The following KIF26B variants were observed in gnomAD, a reference collection of about 807,000 sequenced individuals.
KIF26B encodes kinesin family member 26B, also known as kinesin-like protein KIF26B.
A neutral mutation model predicts 151.2 loss-of-function variants in KIF26B; 63 were observed. The observed-to-expected ratio is 0.42, with a 90% CI of 0.34 to 0.51. The LOEUF (loss-of-function observed/expected upper bound fraction) is 0.51. Ranked by LOEUF, KIF26B falls within the 20% of genes least tolerant of loss-of-function variation. KIF26B has a pLI of 0.07. For missense variants in KIF26B, 2,813 were observed against 2,913.6 expected (o/e 0.97, Z 0.79); for synonymous variants, 1,357 against 1,262.1 (o/e 1.08, Z -1.59).
At chr1:245,509,571 T>C (rs183104705) in intron 4 of KIF26B, among the ~76,000 whole-genome samples, 1 of 152,316 alleles carries the variant, frequency 6.6e-6, no homozygotes, top group Non-Finnish European at 1.5e-5. Context: ...TTTTCATCCA[T>C]TCACTTGCTC....
At chr1:245,389,174 C>T (rs1673625992) in intron 3 of KIF26B, among the ~76,000 whole-genome samples, 1 of 152,122 alleles carries the variant, frequency 6.6e-6, no homozygotes, top group Non-Finnish European at 1.5e-5. Flanking sequence ...AGTGCGATGG[C>T]ATGGCCTCGG....
intron 10 of KIF26B, among the ~76,000 whole-genome samples, chr1:245,668,693 T>G (rs937700709): frequency 1.4e-5 from 2 of 147,102 alleles, no homozygotes; most frequent in Non-Finnish European, 2.9e-5. Context: ...TTTCTTTTCT[T>G]TTCTTTTCTT....
At chr1:245,479,902 C>A (rs1660129948) in intron 4 of KIF26B, among the ~76,000 whole-genome samples, 1 of 151,726 alleles carries the variant, frequency 6.6e-6, no homozygotes, top group Admixed American at 6.6e-5. Context: ...CTATATAGAA[C>A]TAGGATTCGT....
chr1:245,672,614 C>T (rs2044301884), intron 10 of KIF26B, among the ~76,000 whole-genome samples: 1 of 152,126 alleles, frequency 6.6e-6, no homozygotes, highest in Non-Finnish European at 1.5e-5. Context: ...AGAACACAGT[C>T]AAGTGAATAC....
At chr1:245,695,665 G>A (rs2044683348) in intron 12 of KIF26B, among the ~76,000 whole-genome samples, 1 of 152,256 alleles carries the variant, frequency 6.6e-6, no homozygotes, top group Non-Finnish European at 1.5e-5. Flanking sequence ...GGCATGGAAA[G>A]GAGGCAATGG....
chr1:245,420,874 G>T (rs1481473960), intron 4 of KIF26B, among the ~76,000 whole-genome samples: 1 of 152,212 alleles, frequency 6.6e-6, no homozygotes, highest in African/African-American at 2.4e-5. Flanking sequence ...GATTAGGACA[G>T]CGGCAAGGCA....
At chr1:245,699,494 GAA>G (rs774959523) in intron 14 of KIF26B, among the ~76,000 whole-genome samples, 23 of 128,576 alleles carry the variant, frequency 1.8e-4, no homozygotes, top group African/African-American at 4.2e-4. Context: ...TTTTTGAGTG[GAA>G]AAAAAAAAAA....
At chr1:245,283,802 C>T (rs1166737257) in intron 2 of KIF26B, among the ~76,000 whole-genome samples, 3 of 151,952 alleles carry the variant, frequency 2.0e-5, no homozygotes, top group African/African-American at 7.3e-5. Flanking sequence ...ATTCTCCTGC[C>T]TCAGCCTCCG....
intron 2 of KIF26B, among the ~76,000 whole-genome samples, chr1:245,185,379 T>G (rs778608383): frequency 1.2e-4 from 18 of 152,100 alleles, no homozygotes; most frequent in Non-Finnish European, 7.4e-5. Flanking sequence ...CCTCAGGTAA[T>G]CAGGTGGCGG....
intron 4 of KIF26B, among the ~76,000 whole-genome samples, chr1:245,464,210 C>T (rs1326938226): frequency 2.0e-5 from 3 of 152,218 alleles, no homozygotes; most frequent in Non-Finnish European, 4.4e-5. Flanking sequence ...CTACTGCTAA[C>T]CCATTGAAGA....
intron 10 of KIF26B, among the ~76,000 whole-genome samples, chr1:245,681,358 C>T (rs186194602): frequency 0.018 from 2,740 of 152,116 alleles, 53 homozygotes; most frequent in African/African-American, 0.05. Flanking sequence ...TACAGGTGCC[C>T]GCCACCACGC....
At chr1:245,694,700 G>C (rs555449742) in intron 12 of KIF26B, among the ~76,000 whole-genome samples, 1 of 152,228 alleles carries the variant, frequency 6.6e-6, no homozygotes, top group African/African-American at 2.4e-5. Flanking sequence ...GCCAGGCCTG[G>C]AACAGGAGGG....
chr1:245,464,899 G>T (rs1175163295), intron 4 of KIF26B, among the ~76,000 whole-genome samples: 5 of 152,122 alleles, frequency 3.3e-5, no homozygotes, highest in Non-Finnish European at 5.9e-5. Flanking sequence ...CAGAGGCCGG[G>T]GTTCGAATGC....
chr1:245,655,930 G>T (rs1048237608), intron 10 of KIF26B, among the ~76,000 whole-genome samples: 3 of 152,126 alleles, frequency 2.0e-5, no homozygotes, highest in African/African-American at 7.2e-5. Context: ...CATAGAACTC[G>T]GTGCTGTTCT....
At chr1:245,265,649 G>A (rs1001224936) in intron 2 of KIF26B, among the ~76,000 whole-genome samples, 1 of 150,422 alleles carries the variant, frequency 6.6e-6, no homozygotes, top group Non-Finnish European at 1.5e-5. Flanking sequence ...GTGTAGTGGC[G>A]TGATCAGCGC....
chr1:245,539,705 A>T (rs6658283), intron 4 of KIF26B, among the ~76,000 whole-genome samples: 34,202 of 151,916 alleles, frequency 0.23, 5,000 homozygotes, highest in African/African-American at 0.41. Flanking sequence ...CAGCCTGGAG[A>T]GCAGTGGCGC....
rs540602367 is a variant in KIF26B at position 245,211,074 on chromosome 1, G to A, written c.465+54391G>A. Among the ~76,000 whole-genome samples, 5 of 152,272 alleles carry A rather than the reference G, an allele frequency of 3.3e-5. No individual in the cohort carries two copies. In the South Asian group the frequency reaches 8.3e-4, roughly 25 times the overall value. On this transcript the variant is annotated intron_variant, in intron 2 of 14. Coordinates refer to ENST00000407071, the MANE Select transcript of KIF26B (RefSeq NM_018012.4). ...TATAGGCCTTGTGTCTTCTTGTGAT[G>A]TTTCCCAGCGATGGGCCTGAACGGG... is the stretch of plus-strand genomic sequence containing the variant.
chr1:245,313,884 C>A (rs9428640), intron 2 of KIF26B, among the ~76,000 whole-genome samples: 16,337 of 152,078 alleles, frequency 0.11, 1,034 homozygotes, highest in African/African-American at 0.17. Flanking sequence ...CTGATTTGGG[C>A]CCCGACACCC....
chr1:245,685,753 A>T lies in KIF26B; in HGVS notation c.2770A>T (p.Asn924Tyr). The change falls in exon 12 of 15, where the codon AAC becomes TAC. Residue 924 changes from asparagine to tyrosine, a missense_variant. Asn to Tyr is a moderately radical substitution (Grantham distance 143, BLOSUM62 -2). This residue lies in a region of KIF26B where 2,060 missense variants were observed against 2,088.6 expected (regional missense o/e 0.99). Coordinates refer to ENST00000407071, the MANE Select transcript of KIF26B (RefSeq NM_018012.4). ...GTCAGAAAGGGACTGCCTGAAGTGC[A>T]ACACGTTTGCCGAGCTGCAGGAGAG... ...GKSERDCLKC[N>Y]TFAELQERLD... 3 of 1,612,606 alleles carry T rather than the reference A, an allele frequency of 1.9e-6. No individual in the cohort carries two copies. The highest frequency in any genetic ancestry group is 2.5e-6 in the Non-Finnish European group (3 of 1,179,600).
Sources: allele counts gnomAD v4.1 joint callset (sites outside exome capture counted in the v4.1 genomes callset), GRCh38; gene constraint gnomAD v4.1.1; regional missense constraint gnomAD v4.1.1; transcripts MANE v1.5; gene names NCBI Gene and HGNC (gene_info 2026-07-23, HGNC 2026-07-21).